The following JAK1 variants were observed in gnomAD, a reference collection of about 807,000 sequenced individuals.
The protein encoded by JAK1 is Janus kinase 1, also known as tyrosine-protein kinase JAK1.
Under a neutral mutation model 136.6 loss-of-function variants are expected in JAK1, and 16 were observed. That is an observed-to-expected ratio of 0.12 (90% CI 0.08 to 0.18). JAK1 has a LOEUF of 0.18. Among genes scored for constraint, JAK1 ranks in the 10% least tolerant of loss-of-function variants. The probability of loss-of-function intolerance (pLI) is 1.00; values close to 1 mark genes in which losing one functional copy is unlikely to be tolerated. For missense variants in JAK1, 859 were observed against 1,450.1 expected, an observed-to-expected ratio of 0.59 and a Z score of 6.62; for synonymous variants, 492 against 519.5, an observed-to-expected ratio of 0.95 and a Z score of 0.72.
chr1:64,946,892 G>A (rs887017363), intron 1 of JAK1, among the ~76,000 whole-genome samples: 1 of 152,106 alleles, frequency 6.6e-6, no homozygotes, highest in Non-Finnish European at 1.5e-5. Context: ...TAAAAGGAAG[G>A]AAATTCCATC....
chr1:64,950,568 C>T (rs551357895), intron 1 of JAK1, among the ~76,000 whole-genome samples: 1 of 152,256 alleles, frequency 6.6e-6, no homozygotes, highest in South Asian at 2.1e-4. Context: ...TCAGTGCTAG[C>T]CATCCGGCCA....
intron 1 of JAK1, among the ~76,000 whole-genome samples, chr1:64,924,778 G>C (rs867678245): frequency 6.6e-6 from 1 of 152,140 alleles, no homozygotes; most frequent in Admixed American, 6.5e-5. Context: ...CACCTTTATA[G>C]GATGCTATTT....
intron 3 of JAK1, 56 bp from the exon 4 acceptor site, chr1:64,879,204 T>C: frequency 6.2e-7 from 1 of 1,604,652 alleles, no homozygotes; most frequent in Non-Finnish European, 8.5e-7. Flanking sequence ...TTTGGCCATC[T>C]GTTTCTAAAC....
rs374624103 is a variant in JAK1 at position 64,879,108 on chromosome 1, G to A, written c.246C>T (p.Asp82=). The part of the protein sequence containing the change: ...PLCHNLFALY[D]ENTKLWYAPN... The stretch of plus-strand genomic sequence containing the variant: ...GAGCATACCAGAGCTTGGTGTTCTC[G>A]TCATACAGGGCAAAGAGGTTGTGAC... Residue 82 remains aspartate, a synonymous_variant, in exon 4 of 25, where the codon GAC becomes GAT. Coordinates refer to ENST00000342505, the MANE Select transcript of JAK1 (RefSeq NM_002227.4). 289 of 1,613,700 alleles carry A rather than the reference G, an allele frequency of 1.8e-4. No homozygotes were observed. Among genetic ancestry groups the A allele is most frequent in the Non-Finnish European group, 1.6e-4 (192 of 1,179,866 alleles).
chr1:64,861,865 G>A (rs969394027), intron 8 of JAK1, among the ~76,000 whole-genome samples: 18 of 152,126 alleles, frequency 1.2e-4, no homozygotes, highest in African/African-American at 3.6e-4. Flanking sequence ...ACCCACCTGC[G>A]GATATCCCTG....
intron 1 of JAK1, among the ~76,000 whole-genome samples, chr1:64,949,307 C>T (rs1646040723): frequency 6.6e-6 from 1 of 152,152 alleles, no homozygotes; most frequent in Middle Eastern, 3.2e-3. Flanking sequence ...CTTAGGGAAA[C>T]CAGCAAACAG....
intron 2 of JAK1, among the ~76,000 whole-genome samples, chr1:64,975,953 A>G (rs1646494690): frequency 2.0e-5 from 3 of 152,182 alleles, no homozygotes; most frequent in South Asian, 4.1e-4. Context: ...TTGTAATACA[A>G]TGGGACCTTT....
chr1:64,934,930 A>G (rs1272720904), intron 1 of JAK1, among the ~76,000 whole-genome samples: 1 of 152,246 alleles, frequency 6.6e-6, no homozygotes, highest in Non-Finnish European at 1.5e-5. Context: ...AGGACCCTCC[A>G]GAGTTCCTAA....
intron 6 of JAK1, among the ~76,000 whole-genome samples, chr1:64,868,648 G>A (rs958965152): frequency 2.6e-5 from 4 of 152,042 alleles, no homozygotes; most frequent in African/African-American, 9.7e-5. Context: ...ATGAGAAGAC[G>A]CACGCCGCCT....
intron 2 of JAK1, among the ~76,000 whole-genome samples, chr1:65,027,809 C>T (rs1646990763): frequency 6.6e-6 from 1 of 152,174 alleles, no homozygotes; most frequent in African/African-American, 2.4e-5. Context: ...CTGCCATGCT[C>T]AGTCATTGGT....
At chr1:65,036,177 G>A (rs575777771) in intron 2 of JAK1, among the ~76,000 whole-genome samples, 206 of 152,258 alleles carry the variant, frequency 1.4e-3, no homozygotes, top group African/African-American at 4.0e-3. Flanking sequence ...AATTGTACAC[G>A]TGAAAGTAGT....
At chr1:65,048,653 G>C (rs752806574) in intron 1 of JAK1, among the ~76,000 whole-genome samples, 5 of 152,102 alleles carry the variant, frequency 3.3e-5, no homozygotes, top group Non-Finnish European at 7.3e-5. Flanking sequence ...ATAAATCTGA[G>C]AGTTTAGCCA....
chr1:64,924,262 G>C (rs940686561), intron 1 of JAK1, among the ~76,000 whole-genome samples: 9 of 151,938 alleles, frequency 5.9e-5, no homozygotes, highest in Admixed American at 2.6e-4. Flanking sequence ...GAAAATTAAG[G>C]GTATATCAAA....
chr1:64,850,987 G>GGC, intron 11 of JAK1, 77 bp from the exon 12 acceptor site: 1 of 986,174 alleles, frequency 1.0e-6, no homozygotes, highest in African/African-American at 1.6e-5. Context: ...TGCTGAGCCG[G>GGC]GGCCGTGGGA....
rs1557625723 is a variant in JAK1, at chr1:64,844,057, T to G, written c.2403+7A>C. Reference sequence around the variant, plus strand: ...CTTGCCTCACGCCCCGGGAAACACCTGCTCACCTCAATCAGCGTCTTGTCT... The same window carrying G: ...CTTGCCTCACGCCCCGGGAAACACCGGCTCACCTCAATCAGCGTCTTGTCT... On this transcript the variant is annotated splice_region_variant and intron_variant, in intron 17 of 24. Transcript: ENST00000342505. This position sits in a 1 kb window ranked among gnomAD's most constrained non-coding sequence, Gnocchi z 5.7. 1 of 1,613,748 alleles carries G rather than the reference T, an allele frequency of 6.2e-7. No individual in the cohort carries two copies. The highest frequency in any genetic ancestry group is 8.5e-7 in the Non-Finnish European group (1 of 1,179,978).
At chr1:64,864,664 A>G (rs558162652) in intron 8 of JAK1, 123 bp downstream of exon 8, 18 of 800,136 alleles carry the variant, frequency 2.2e-5, no homozygotes, top group East Asian at 1.9e-4. Context: ...TTTGGCTTCA[A>G]TAAGAAAATC....
chr1:65,051,739 T>C (rs1168423922), intron 1 of JAK1, among the ~76,000 whole-genome samples: 1 of 152,238 alleles, frequency 6.6e-6, no homozygotes, highest in Non-Finnish European at 1.5e-5. Flanking sequence ...GAAATGGTTC[T>C]CTATTTCTTC....
rs538896433 is a variant in JAK1 at position 64,870,082 on chromosome 1, A to G, written c.484-608T>C. Among the ~76,000 whole-genome samples the G allele has an allele frequency of 3.3e-5, 5 of 152,346 alleles. No individual in the cohort carries two copies. The East Asian group carries it at 9.6e-4, about 29-fold the overall frequency. ...AACGGGAACTTTAAACACAAAAACT[A>G]AAACAAGGCTAACCAGCAGTGCCCA... is the stretch of plus-strand genomic sequence containing the variant. On this transcript the variant is annotated intron_variant, in intron 5 of 24. Coordinates refer to ENST00000342505, the MANE Select transcript of JAK1 (RefSeq NM_002227.4).
chr1:64,968,646 C>T (rs1646421135), upstream of JAK1, among the ~76,000 whole-genome samples: 1 of 151,986 alleles, frequency 6.6e-6, no homozygotes, highest in African/African-American at 2.4e-5. Context: ...AACAAACAAA[C>T]AAAGGCCAGG....
Sources: allele counts gnomAD v4.1 joint callset (sites outside exome capture counted in the v4.1 genomes callset), GRCh38; gene constraint gnomAD v4.1.1; non-coding constraint Gnocchi (gnomAD v3.1); transcripts MANE v1.5; gene names NCBI Gene and HGNC (gene_info 2026-07-23, HGNC 2026-07-21).